Variants in GREB1 observed in about 807,000 individuals in gnomAD.
GREB1 encodes the protein protein GREB1.
GREB1 carries 106 observed loss-of-function variants against 200.7 expected under a neutral mutation model. The observed-to-expected ratio is 0.53, with a 90% CI of 0.45 to 0.62. The LOEUF (loss-of-function observed/expected upper bound fraction) is 0.62. Among genes scored for constraint, GREB1 ranks in the 20% least tolerant of loss-of-function variants. GREB1 has a pLI of 0.00. For missense variants in GREB1, 2,243 were observed against 2,556.8 expected, an observed-to-expected ratio of 0.88 and a Z score of 2.65; for synonymous variants, 1,132 against 1,092.4, an observed-to-expected ratio of 1.04 and a Z score of -0.72.
chr2:11,511,109 A>T lies in GREB1; in HGVS notation c.-159+28728A>T, dbSNP rs1673337749. Among the ~76,000 whole-genome samples, 3 of 152,106 alleles carry T rather than the reference A, an allele frequency of 2.0e-5. No homozygotes were observed. The South Asian group carries it at 6.2e-4, about 31-fold the overall frequency. ...ATTGGCTTCTGCAGGGCCAATGGTGAGGGCAGGCATGGGGCGTCAGGCTCA... is the reference window on the plus strand; with the variant it reads ...ATTGGCTTCTGCAGGGCCAATGGTGTGGGCAGGCATGGGGCGTCAGGCTCA... On this transcript the variant is annotated intron_variant, in intron 1 of 2. Coordinates refer to the GREB1 transcript ENST00000628795.
chr2:11,602,716 G>A (rs1249558551), intron 17 of GREB1, among the ~76,000 whole-genome samples, 174 bp downstream of exon 17: 1 of 152,066 alleles, frequency 6.6e-6, no homozygotes, highest in Non-Finnish European at 1.5e-5. Flanking sequence ...AATCCCTTTG[G>A]GTCAGCGATA....
rs543532037 is a variant in GREB1, at chr2:11,552,296, G to A, written c.-161-4158G>A. Among the ~76,000 whole-genome samples, 15 of 152,350 alleles carry A rather than the reference G, an allele frequency of 9.8e-5. 1 individual carries two copies. The South Asian group carries it at 2.3e-3, about 23-fold the overall frequency. On this transcript the variant is annotated intron_variant, in intron 1 of 32. Coordinates refer to ENST00000381486, the MANE Select transcript of GREB1 (RefSeq NM_014668.4). ...GGCGTTGGATGTGATGTGTTAGGGC[G>A]TGGAAGAAATCCCACAGGCAGTCTG... is the stretch of plus-strand genomic sequence containing the variant.
rs552033961 is a variant in GREB1, at chr2:11,485,598, G to T, written c.-159+3217G>T. On this transcript the variant is annotated intron_variant, in intron 1 of 2. Transcript: ENST00000628795. ...GGGAAGCTACATTTGAAACATCTGTGTTTCTCACTTGTCACTTTCAATAGG... is the reference window on the plus strand; with the variant it reads ...GGGAAGCTACATTTGAAACATCTGTTTTTCTCACTTGTCACTTTCAATAGG... Among the ~76,000 whole-genome samples, 6 of 152,258 alleles carry T rather than the reference G, an allele frequency of 3.9e-5. No individual in the cohort carries two copies. The South Asian group carries it at 6.2e-4, about 16-fold the overall frequency.
rs773884147 is a variant in GREB1, at chr2:11,618,876, A to G, written c.4001A>G (p.Asp1334Gly). 12 of 1,570,034 alleles carry G rather than the reference A, an allele frequency of 7.6e-6. No individual in the cohort carries two copies. Among genetic ancestry groups the G allele is most frequent in the Non-Finnish European group, 1.0e-5 (12 of 1,163,348 alleles). ...DYGNRAEGRV[D>G]GFHPRRLLLS... ...GGCAACCGGGCCGAGGGCCGCGTGG[A>G]CGGCTTCCACCCCCGCAGGCTGCTG... The change falls in exon 22 of 33, where the codon GAC becomes GGC. Residue 1334 changes from aspartate to glycine, a missense_variant. By Grantham distance (94) the Asp-to-Gly change is moderately conservative. Coordinates refer to ENST00000381486, the MANE Select transcript of GREB1 (RefSeq NM_014668.4).
At chr2:11,607,440 GTGTGTGTGTGTGTGTGTGTGTA>G (rs1396023052) in intron 17 of GREB1, among the ~76,000 whole-genome samples, 15 of 102,808 alleles carry the variant, frequency 1.5e-4, no homozygotes, top group Non-Finnish European at 2.6e-4. Flanking sequence ...GTGTGTGTGT[GTGTGTGTGTGTGTGTGTGTGTA>G]TATATATATA....
intron 7 of GREB1, among the ~76,000 whole-genome samples, chr2:11,581,461 T>C (rs986184252): frequency 6.6e-6 from 1 of 151,954 alleles, no homozygotes; most frequent in Non-Finnish European, 1.5e-5. Flanking sequence ...GGAAGCATCA[T>C]GTAGAGATGG....
intron 1 of GREB1, among the ~76,000 whole-genome samples, chr2:11,504,255 T>A (rs552449253): frequency 2.0e-5 from 3 of 152,140 alleles, no homozygotes; most frequent in Non-Finnish European, 4.4e-5. Context: ...GGTGGGAGAT[T>A]TCATCATGCT....
In GREB1 at chr2:11,580,554, A is replaced by C. The variant is rs1457814108; in HGVS notation, c.773-150A>C. On this transcript the variant is annotated intron_variant, in intron 6 of 32. Transcript: ENST00000381486. This position sits in a 1 kb window ranked among gnomAD's most constrained non-coding sequence, Gnocchi z 4.5. ...TCTGCATGTATCTTCTCAGTGTAGC[A>C]GAATCACTGTTGGGCATTCTGACCT... 1 of 809,050 alleles carries C rather than the reference A, an allele frequency of 1.2e-6. No homozygotes were observed. The highest frequency in any genetic ancestry group is 1.7e-5 in the African/African-American group (1 of 58,584). 50.1% of individuals were successfully genotyped at this position (809,050 alleles called of 1,614,324 possible).
At chr2:11,535,181 C>G (rs2148498961) in intron 1 of GREB1, among the ~76,000 whole-genome samples, 1 of 152,300 alleles carries the variant, frequency 6.6e-6, no homozygotes, top group South Asian at 2.1e-4. Context: ...GCTGTGCACT[C>G]CTCCCAACAC....
intron 23 of GREB1, among the ~76,000 whole-genome samples, chr2:11,624,267 C>T (rs945506376): frequency 1.8e-4 from 28 of 152,130 alleles, no homozygotes; most frequent in Admixed American, 9.2e-4. Flanking sequence ...GGTGGGTGCC[C>T]GGTACAGTGC....
chr2:11,514,561 AG>A (rs1404573363), intron 1 of GREB1, among the ~76,000 whole-genome samples: 1 of 152,132 alleles, frequency 6.6e-6, no homozygotes, highest in African/African-American at 2.4e-5. Flanking sequence ...GCCAAAGAGG[AG>A]GGGTGTTGAT....
chr2:11,594,904 C>T (rs1681068429), intron 11 of GREB1, among the ~76,000 whole-genome samples: 1 of 151,814 alleles, frequency 6.6e-6, no homozygotes, highest in African/African-American at 2.4e-5. Context: ...CCGTGTTAGC[C>T]AGGATGGTCT....
At chr2:11,584,498 A>AT (rs1679863173) in intron 7 of GREB1, among the ~76,000 whole-genome samples, 1 of 151,848 alleles carries the variant, frequency 6.6e-6, no homozygotes, top group South Asian at 2.1e-4. Context: ...GCACAAACAT[A>AT]TTTCTCTCTT....
intron 1 of GREB1, among the ~76,000 whole-genome samples, chr2:11,505,232 G>A (rs751750882): frequency 2.6e-5 from 4 of 152,140 alleles, no homozygotes; most frequent in Non-Finnish European, 4.4e-5. Flanking sequence ...TGCCTGGCAG[G>A]TGTCATCACA....
In GREB1 at chr2:11,610,887, T is replaced by C; in HGVS notation, c.2866T>C (p.Cys956Arg). 1 of 1,613,098 alleles carries C rather than the reference T, an allele frequency of 6.2e-7. No homozygotes were observed. Among genetic ancestry groups the C allele is most frequent in the Non-Finnish European group, 8.5e-7 (1 of 1,179,794 alleles). ...HGLMVLLRVP[C>R]SPLAVVAYER... ...GCTCATGGTCCTGCTGCGGGTGCCCTGTTCGCCCCTGGCGGTGGTGGCCTA... is the reference window on the plus strand; with the variant it reads ...GCTCATGGTCCTGCTGCGGGTGCCCCGTTCGCCCCTGGCGGTGGTGGCCTA... The change falls in exon 18 of 33, where the codon TGT (cysteine) becomes CGT (arginine). Residue 956 changes from cysteine to arginine, a missense_variant. Cys to Arg is a radical substitution (Grantham distance 180). This residue lies in a region of GREB1 where 1,178 missense variants were observed against 1,387.4 expected (regional missense o/e 0.85). Transcript: ENST00000381486.
At position 11,640,259 on chromosome 2, in the gene GREB1, C is replaced by G. The variant is rs779343293; in HGVS notation, c.5687-32C>G. 14 of 1,588,278 alleles carry G rather than the reference C, an allele frequency of 8.8e-6. No homozygotes were observed. The highest frequency in any genetic ancestry group is 1.2e-5 in the Non-Finnish European group (14 of 1,166,770). On this transcript the variant is annotated intron_variant, in intron 32 of 32. Transcript: ENST00000381486. This position sits in a 1 kb window ranked among gnomAD's most constrained non-coding sequence, Gnocchi z 4.6. Reference sequence around the variant, plus strand: ...TTTCCTCTGGATAAACTCACCTTTTCCCTTCCCACACCTCTGCCGTTGTCC... The same window carrying G: ...TTTCCTCTGGATAAACTCACCTTTTGCCTTCCCACACCTCTGCCGTTGTCC...
chr2:11,580,195 A>G lies in GREB1; in HGVS notation c.773-509A>G, dbSNP rs958125306. 4.6e-5 allele frequency among the ~76,000 whole-genome samples: 7 copies of G among 152,112 alleles called. No homozygotes were observed. The highest frequency in any genetic ancestry group is 1.4e-4 in the African/African-American group (6 of 41,414). On this transcript the variant is annotated intron_variant, in intron 6 of 32. Transcript: ENST00000381486. The surrounding 1 kb of genome is among the most constrained non-coding windows in gnomAD (Gnocchi z 4.5). ...TCCCGCCAGGTCCCTCCCACGACAC[A>G]GGGGGATTATGGGAGCTGCAATTCA...
intron 1 of GREB1, among the ~76,000 whole-genome samples, chr2:11,517,762 C>T (rs866933509): frequency 1.2e-4 from 19 of 152,210 alleles, no homozygotes; most frequent in Admixed American, 1.3e-4. Flanking sequence ...TGCCATTCTC[C>T]TGCCTCAGCC....
rs149192632 is a variant in GREB1 at position 11,579,095 on chromosome 2, T to G, written c.772+664T>G. On this transcript the variant is annotated intron_variant, in intron 6 of 32. Coordinates refer to ENST00000381486, the MANE Select transcript of GREB1 (RefSeq NM_014668.4). ...GACGCAGGAAGGTCGCTGGTTGTTT[T>G]CATGCCTCCTGCCCAGAGGGTCTGT... Among the ~76,000 whole-genome samples the G allele has an allele frequency of 6.3e-3, 967 of 152,352 alleles. 10 individuals carry two copies. The highest frequency in any genetic ancestry group is 0.01 in the Non-Finnish European group (709 of 68,030).
Sources: gnomAD v4.1 joint callset for allele counts (sites outside exome capture counted in the v4.1 genomes callset) on GRCh38, gnomAD v4.1.1 for gene constraint, gnomAD v4.1.1 regional missense constraint, Gnocchi (gnomAD v3.1) non-coding constraint, MANE v1.5 for transcripts, NCBI Gene and HGNC (gene_info 2026-07-23, HGNC 2026-07-21) for gene names.